NLGN1: variants seen among roughly 807,000 people sequenced by gnomAD.
NLGN1 encodes the protein neuroligin 1.
In NLGN1, 12 loss-of-function variants were observed where a neutral mutation model predicts 65.5. The ratio of observed to expected loss-of-function variants is 0.18; its 90% CI spans 0.12 to 0.30. The LOEUF (loss-of-function observed/expected upper bound fraction) is 0.30. Among genes scored for constraint, NLGN1 ranks in the 10% least tolerant of loss-of-function variants. The pLI is 1.00. For missense variants in NLGN1, 750 were observed against 1,007.1 expected, an observed-to-expected ratio of 0.74 and a Z score of 3.46; for synonymous variants, 350 against 359.5, an observed-to-expected ratio of 0.97 and a Z score of 0.30.
At chr3:173,918,510 G>A (rs1336080164) in intron 4 of NLGN1, among the ~76,000 whole-genome samples, 2 of 151,660 alleles carry the variant, frequency 1.3e-5, no homozygotes, top group Non-Finnish European at 2.9e-5. Flanking sequence ...GCGTGTGCCT[G>A]TAGTCCCAGC....
intron 4 of NLGN1, among the ~76,000 whole-genome samples, chr3:173,992,554 A>G (rs1045803820): frequency 1.3e-5 from 2 of 152,216 alleles, no homozygotes; most frequent in Non-Finnish European, 2.9e-5. Flanking sequence ...TCAAACATAA[A>G]TGTCCCATGA....
chr3:174,226,447 G>C (rs1456848075), intron 4 of NLGN1, among the ~76,000 whole-genome samples: 1 of 152,096 alleles, frequency 6.6e-6, no homozygotes, highest in Non-Finnish European at 1.5e-5. Flanking sequence ...TTGTTTGCTT[G>C]GTGGCATTAT....
chr3:173,926,155 T>C (rs183149810), intron 4 of NLGN1, among the ~76,000 whole-genome samples: 64 of 152,156 alleles, frequency 4.2e-4, no homozygotes, highest in Admixed American at 8.5e-4. Flanking sequence ...TAACTTTAAA[T>C]AGTATTTTTT....
intron 2 of NLGN1, among the ~76,000 whole-genome samples, chr3:173,585,741 T>C (rs1747317025): frequency 6.6e-6 from 1 of 152,252 alleles, no homozygotes; most frequent in African/African-American, 2.4e-5. Flanking sequence ...GCATTTCTGA[T>C]GCATCCCTGC....
intron 3 of NLGN1, among the ~76,000 whole-genome samples, chr3:173,717,305 G>GT (rs1770022014): frequency 6.6e-6 from 1 of 152,086 alleles, no homozygotes; most frequent in Non-Finnish European, 1.5e-5. Context: ...AAAAATGTTA[G>GT]TTTTTATTTT....
rs188594588 is a variant in NLGN1, at chr3:174,085,189, A to C, written c.647-190126A>C. ...AATGTTAGGTGTAGTTGTTATATGA[A>C]TTTGTATTATATTCTCTTTACTGTA... On this transcript the variant is annotated intron_variant, in intron 4 of 6. Transcript: ENST00000457714. Among the ~76,000 whole-genome samples, 68 of 152,104 alleles carry C rather than the reference A, an allele frequency of 4.5e-4. 1 individual carries two copies. The highest frequency in any genetic ancestry group is 1.8e-3 in the Admixed American group (27 of 15,266).
intron 2 of NLGN1, among the ~76,000 whole-genome samples, chr3:173,454,795 A>G (rs1722236850): frequency 6.6e-6 from 1 of 152,218 alleles, no homozygotes; most frequent in Non-Finnish European, 1.5e-5. Flanking sequence ...TGTATCAGCA[A>G]TAACACATTA....
intron 2 of NLGN1, among the ~76,000 whole-genome samples, chr3:173,501,149 G>C (rs1731054499): frequency 6.6e-6 from 1 of 152,016 alleles, no homozygotes; most frequent in African/African-American, 2.4e-5. Context: ...TGTGCAGGAT[G>C]TGCAGGTTTG....
chr3:174,265,494 G>C (rs1025486078), intron 4 of NLGN1, among the ~76,000 whole-genome samples: 16 of 151,938 alleles, frequency 1.1e-4, no homozygotes, highest in Non-Finnish European at 1.9e-4. Flanking sequence ...ACTCCCTGAC[G>C]CCTTGCGCTT....
At chr3:173,703,408 G>C (rs1357651496) in intron 3 of NLGN1, among the ~76,000 whole-genome samples, 1 of 152,078 alleles carries the variant, frequency 6.6e-6, no homozygotes, top group African/African-American at 2.4e-5. Context: ...AATGCTGCCT[G>C]ATTTGAACTT....
At chr3:173,410,083 A>C (rs1712198797) in intron 1 of NLGN1, among the ~76,000 whole-genome samples, 2 of 152,192 alleles carry the variant, frequency 1.3e-5, no homozygotes, top group South Asian at 4.1e-4. Context: ...TTAGTACTAA[A>C]ATTCATGATT....
chr3:173,940,439 T>C (rs1477792619), intron 4 of NLGN1, among the ~76,000 whole-genome samples: 1 of 152,180 alleles, frequency 6.6e-6, no homozygotes, highest in Non-Finnish European at 1.5e-5. Context: ...TACCTAGTTC[T>C]CATTTGAGGA....
chr3:173,900,256 T>C (rs1174741925), intron 4 of NLGN1, among the ~76,000 whole-genome samples: 1 of 152,108 alleles, frequency 6.6e-6, no homozygotes, highest in Admixed American at 6.6e-5. Flanking sequence ...GTTTTGTTAC[T>C]ACTTCATTTT....
chr3:173,781,263 GGATATC>G (rs1560356759), intron 3 of NLGN1, among the ~76,000 whole-genome samples: 1 of 151,622 alleles, frequency 6.6e-6, no homozygotes, highest in African/African-American at 2.4e-5. Flanking sequence ...ATAGTTTATT[GGATATC>G]CTTCCAGGAA....
chr3:173,429,500 CT>C (rs1380832717), intron 1 of NLGN1, among the ~76,000 whole-genome samples: 1 of 152,088 alleles, frequency 6.6e-6, no homozygotes, highest in Non-Finnish European at 1.5e-5. Context: ...ACATTGGCTT[CT>C]TTTTTGTCTT....
intron 4 of NLGN1, among the ~76,000 whole-genome samples, chr3:173,894,525 C>G (rs1268349027): frequency 6.6e-6 from 1 of 151,902 alleles, no homozygotes; most frequent in Non-Finnish European, 1.5e-5. Context: ...ATAGATACTT[C>G]AGGGTCATAT....
intron 3 of NLGN1, among the ~76,000 whole-genome samples, chr3:173,697,829 C>G (rs915003581): frequency 6.6e-6 from 1 of 151,994 alleles, no homozygotes; most frequent in Non-Finnish European, 1.5e-5. Flanking sequence ...TGCATCTGGC[C>G]GAGAGAAAGA....
chr3:174,038,346 G>T lies in NLGN1; in HGVS notation c.646+230514G>T, dbSNP rs923947898. On this transcript the variant is annotated intron_variant, in intron 4 of 6. Transcript: ENST00000457714. ...GAGTGTACTAGGCTGATTCGATGAGGTGTCAGTCATTCCATCTCTTACTTG... is the reference window on the plus strand; with the variant it reads ...GAGTGTACTAGGCTGATTCGATGAGTTGTCAGTCATTCCATCTCTTACTTG... Among the ~76,000 whole-genome samples, 4 of 152,102 alleles carry T rather than the reference G, an allele frequency of 2.6e-5. No homozygotes were observed. In the East Asian group the frequency reaches 7.7e-4, roughly 29 times the overall value.
At chr3:173,701,690 A>G (rs1040716518) in intron 3 of NLGN1, among the ~76,000 whole-genome samples, 1 of 152,234 alleles carries the variant, frequency 6.6e-6, no homozygotes, top group African/African-American at 2.4e-5. Context: ...TTGAATTAGA[A>G]CAGAGTGATT....
Sources: allele counts gnomAD v4.1 joint callset (sites outside exome capture counted in the v4.1 genomes callset), GRCh38; gene constraint gnomAD v4.1.1; transcripts MANE v1.5; gene names NCBI Gene and HGNC (gene_info 2026-07-23, HGNC 2026-07-21).